The following KHDRBS2 variants were observed in gnomAD, a reference collection of about 807,000 sequenced individuals.
KHDRBS2 encodes the protein KH RNA binding domain containing, signal transduction associated 2, also known as KH domain-containing, RNA-binding, signal transduction-associated protein 2.
Under a neutral mutation model 44.3 loss-of-function variants are expected in KHDRBS2, and 26 were observed. The observed-to-expected ratio is 0.59, with a 90% confidence interval of 0.43 to 0.81. KHDRBS2 has a LOEUF of 0.81. Ranked by LOEUF, KHDRBS2 falls within the 40% of genes least tolerant of loss-of-function variation. KHDRBS2 has a pLI of 0.00. For missense variants in KHDRBS2, 476 were observed against 433.1 expected, an observed-to-expected ratio of 1.10 and a Z score of -0.88; for synonymous variants, 194 against 151.1, an observed-to-expected ratio of 1.28 and a Z score of -2.08.
intron 4 of KHDRBS2, among the ~76,000 whole-genome samples, chr6:61,903,425 G>A (rs1179747853): frequency 1.3e-5 from 2 of 151,916 alleles, no homozygotes; most frequent in African/African-American, 4.8e-5. Context: ...GTACCTTAGA[G>A]CATAAATATT....
chr6:62,230,929 T>TA (rs535374810), intron 1 of KHDRBS2, among the ~76,000 whole-genome samples: 96 of 152,278 alleles, frequency 6.3e-4, no homozygotes, highest in African/African-American at 2.2e-3. Context: ...CTAGGTAATT[T>TA]AAAAAAATAT....
At chr6:61,608,629 C>T in the KHDRBS2 span, among the ~76,000 whole-genome samples, 4 of 151,638 alleles carry the variant, frequency 2.6e-5, no homozygotes, top group East Asian at 3.9e-4. Flanking sequence ...TGATGTTCCC[C>T]TCTCTGTGTC....
At chr6:61,980,826 T>A (rs774106144) in intron 3 of KHDRBS2, among the ~76,000 whole-genome samples, 1 of 152,218 alleles carries the variant, frequency 6.6e-6, no homozygotes, top group African/African-American at 2.4e-5. Context: ...TGATTAGCTA[T>A]TGCAGAACTT....
At chr6:62,203,310 A>C (rs1827353867) in intron 1 of KHDRBS2, among the ~76,000 whole-genome samples, 1 of 152,100 alleles carries the variant, frequency 6.6e-6, no homozygotes, top group Non-Finnish European at 1.5e-5. Context: ...AGGGCTACAG[A>C]TAGGATGCCA....
At chr6:61,888,614 T>A (rs1801332327) in intron 6 of KHDRBS2, among the ~76,000 whole-genome samples, 1 of 145,520 alleles carries the variant, frequency 6.9e-6, no homozygotes. Flanking sequence ...CAGGCTGGAG[T>A]GCAGTGGCGC....
At chr6:61,593,158 G>A in the KHDRBS2 span, among the ~76,000 whole-genome samples, 1 of 152,194 alleles carries the variant, frequency 6.6e-6, no homozygotes. Context: ...TCAGTCAAGT[G>A]TTCTAGTAAA....
intron 3 of KHDRBS2, among the ~76,000 whole-genome samples, chr6:61,992,710 A>C (rs1315452532): frequency 6.6e-6 from 1 of 152,136 alleles, no homozygotes; most frequent in East Asian, 1.9e-4. Context: ...GAACATGTAT[A>C]ATCTCTACAC....
chr6:62,023,399 T>C (rs751049852), intron 3 of KHDRBS2, among the ~76,000 whole-genome samples: 2 of 151,658 alleles, frequency 1.3e-5, no homozygotes, highest in Non-Finnish European at 3.0e-5. Context: ...AGATATTCTC[T>C]AAAGCATTGT....
chr6:61,709,816 A>T (rs1370169698), intron 7 of KHDRBS2, among the ~76,000 whole-genome samples: 3 of 151,780 alleles, frequency 2.0e-5, no homozygotes, highest in Non-Finnish European at 4.4e-5. Flanking sequence ...CCTAGTTTGA[A>T]ATGGACATAA....
At chr6:61,545,330 C>G in the KHDRBS2 span, among the ~76,000 whole-genome samples, 21 of 152,064 alleles carry the variant, frequency 1.4e-4, no homozygotes, top group South Asian at 2.3e-3. Flanking sequence ...CCATCATCCC[C>G]AGTTGCTTCT....
intron 2 of KHDRBS2, among the ~76,000 whole-genome samples, chr6:62,060,283 G>C (rs1791445521): frequency 6.6e-6 from 1 of 151,760 alleles, no homozygotes; most frequent in Admixed American, 6.6e-5. Context: ...TGAATTGAGG[G>C]ATGGGCTGGG....
intron 6 of KHDRBS2, among the ~76,000 whole-genome samples, chr6:61,756,833 T>C (rs1177218651): frequency 2.6e-5 from 4 of 152,176 alleles, no homozygotes; most frequent in African/African-American, 4.8e-5. Context: ...CCCCAAATGT[T>C]TTCTCTTGCT....
At chr6:61,750,951 A>C (rs983904020) in intron 6 of KHDRBS2, among the ~76,000 whole-genome samples, 1 of 152,086 alleles carries the variant, frequency 6.6e-6, no homozygotes, top group African/African-American at 2.4e-5. Context: ...CACGATTGCT[A>C]TTATTATCAT....
chr6:61,692,708 A>G (rs1767503262), intron 8 of KHDRBS2, among the ~76,000 whole-genome samples: 1 of 152,252 alleles, frequency 6.6e-6, no homozygotes, highest in Admixed American at 6.5e-5. Flanking sequence ...ATTTCAAATC[A>G]TTTCTAGAGG....
intron 6 of KHDRBS2, among the ~76,000 whole-genome samples, chr6:61,811,622 G>A (rs1562229060): frequency 1.3e-5 from 2 of 152,024 alleles, no homozygotes; most frequent in Non-Finnish European, 2.9e-5. Flanking sequence ...TGTTATTTTT[G>A]ACTTTCTAAT....
chr6:61,695,582 A>G (rs1767815473), intron 8 of KHDRBS2, among the ~76,000 whole-genome samples: 1 of 152,216 alleles, frequency 6.6e-6, no homozygotes, highest in African/African-American at 2.4e-5. Context: ...CGATGAGAAT[A>G]TAAGAACAGA....
At chr6:61,708,141 T>C (rs777203222) in intron 7 of KHDRBS2, among the ~76,000 whole-genome samples, 21 of 151,650 alleles carry the variant, frequency 1.4e-4, no homozygotes, top group Non-Finnish European at 3.0e-4. Context: ...TATTAGAAAT[T>C]AGTGCTCACA....
At chr6:62,146,530 A>G (rs1813978563) in intron 2 of KHDRBS2, among the ~76,000 whole-genome samples, 1 of 151,850 alleles carries the variant, frequency 6.6e-6, no homozygotes, top group Non-Finnish European at 1.5e-5. Flanking sequence ...GATAGCTTTT[A>G]CATAAGCTTC....
intron 1 of KHDRBS2, among the ~76,000 whole-genome samples, chr6:62,246,481 C>T (rs1357058869): frequency 6.6e-6 from 1 of 151,970 alleles, no homozygotes; most frequent in Non-Finnish European, 1.5e-5. Context: ...GGCTATATAA[C>T]CCAATTCTGT....
Sources: gnomAD v4.1 joint callset for allele counts (sites outside exome capture counted in the v4.1 genomes callset) on GRCh38, gnomAD v4.1.1 for gene constraint, MANE v1.5 for transcripts, NCBI Gene and HGNC (gene_info 2026-07-23, HGNC 2026-07-21) for gene names.